The following ZNF292 variants were observed in gnomAD, a reference collection of about 807,000 sequenced individuals.
ZNF292 encodes 16 zinc-finger domain protein.
Under a neutral mutation model 217.9 loss-of-function variants are expected in ZNF292, and 26 were observed. That is an observed-to-expected ratio of 0.12 (90% CI 0.09 to 0.17). The LOEUF is 0.17. Among genes scored for constraint, ZNF292 ranks in the 10% least tolerant of loss-of-function variants. The probability of loss-of-function intolerance (pLI) is 1.00; values close to 1 mark genes in which losing one functional copy is unlikely to be tolerated. For synonymous variants in ZNF292, 1,257 were observed against 1,124.1 expected, an observed-to-expected ratio of 1.12 and a Z score of -2.37; for missense variants, 2,904 against 3,175.2, an observed-to-expected ratio of 0.91 and a Z score of 2.05.
intron 4 of ZNF292, among the ~76,000 whole-genome samples, chr6:87,220,584 A>G (rs1284580985): frequency 6.6e-6 from 1 of 152,176 alleles, no homozygotes; most frequent in Non-Finnish European, 1.5e-5. Context: ...TCCTTTTCCC[A>G]TTGTCAGTTT....
In ZNF292 at chr6:87,209,104, A is replaced by ACCCC. The variant is rs5878022; in HGVS notation, c.169-6794_169-6791dup. 1.3e-3 allele frequency among the ~76,000 whole-genome samples: 182 copies of ACCCC among 137,302 alleles called. 12 individuals carry two copies. The highest frequency in any genetic ancestry group is 3.0e-3 in the African/African-American group (100 of 33,538). 90.1% of individuals were successfully genotyped at this position (137,302 alleles called of 152,430 possible). A position where few individuals can be genotyped will look rare whatever the true frequency, so the allele number is the denominator to read the frequency against. On this transcript the variant is annotated intron_variant, in intron 1 of 7. Coordinates refer to ENST00000369577, the MANE Select transcript of ZNF292 (RefSeq NM_015021.3). ...TTATCTCATTTTTAGCCCCACTTTCACCCCCCCCTCCCCATTTTCAGAGGC... is the reference window on the plus strand; with the variant it reads ...TTATCTCATTTTTAGCCCCACTTTCACCCCCCCCCCCCTCCCCATTTTCAGAGGC...
chr6:87,258,611 G>A lies in ZNF292; in HGVS notation c.4982G>A (p.Ser1661Asn), dbSNP rs1775375880. Reference sequence around the variant, plus strand: ...ACAACAATGGGACTCATAGCAAAGAGTGTTGAAATCCCAACTACTAACCTT... The same window carrying A: ...ACAACAATGGGACTCATAGCAAAGAATGTTGAAATCCCAACTACTAACCTT... Reference protein sequence around the residue: ...DLTTMGLIAKSVEIPTTNLHS... With the variant: ...DLTTMGLIAKNVEIPTTNLHS... Residue 1661 changes from serine (S) to asparagine (N), a missense_variant, in exon 8 of 8, where the codon AGT (serine) becomes AAT (asparagine). Around this residue, in one of 15 missense-constraint regions of ZNF292, gnomAD observed 622 missense variants for 573.1 expected, o/e 1.09. Transcript: ENST00000369577. The A allele has an allele frequency of 6.2e-7, 1 of 1,613,568 alleles. No individual in the cohort carries two copies. The highest frequency in any genetic ancestry group is 1.7e-5 in the Admixed American group (1 of 59,890).
At position 87,263,796 on chromosome 6, in the gene ZNF292, T is replaced by C. The variant is rs1362139500; in HGVS notation, c.*1995T>C. 2 of 152,136 alleles carry C rather than the reference T, an allele frequency of 1.3e-5. No homozygotes were observed. The highest frequency in any genetic ancestry group is 2.9e-5 in the Non-Finnish European group (2 of 67,984). The allele number at this position is 152,136 out of a possible 1,614,324, so 9.4% of individuals were successfully genotyped here. A position where few individuals can be genotyped will look rare whatever the true frequency, so the allele number is the denominator to read the frequency against. On this transcript the variant is annotated 3_prime_UTR_variant, in exon 8 of 8. Coordinates refer to ENST00000369577, the MANE Select transcript of ZNF292 (RefSeq NM_015021.3). ...TGTTTCCATACAGTTTTCTTAGAAA[T>C]TGACCTAGCTCTTAAAGGTGGGCAC... is the stretch of plus-strand genomic sequence containing the variant.
chr6:87,255,271 G>T lies in ZNF292; in HGVS notation c.1642G>T (p.Asp548Tyr). 1 of 1,613,850 alleles carries T rather than the reference G, an allele frequency of 6.2e-7. No homozygotes were observed. Among genetic ancestry groups the T allele is most frequent in the Non-Finnish European group, 8.5e-7 (1 of 1,179,824 alleles). Residue 548 changes from aspartate (D) to tyrosine (Y), a missense_variant, in exon 8 of 8, where the codon GAC becomes TAC. By Grantham distance (160) the Asp-to-Tyr change is radical. Coordinates refer to ENST00000369577, the MANE Select transcript of ZNF292 (RefSeq NM_015021.3). ...CTACATGCAGTATTGTGTGTTGTGT[G>T]ACAAAGAATTCCTTGGTCACAGAAT... is the stretch of plus-strand genomic sequence containing the variant. ...QAYMQYCVLC[D>Y]KEFLGHRIVR...
At chr6:87,219,411 A>G (rs1048056513) in intron 4 of ZNF292, among the ~76,000 whole-genome samples, 4 of 152,204 alleles carry the variant, frequency 2.6e-5, no homozygotes, top group Non-Finnish European at 5.9e-5. Flanking sequence ...AAATTGTAAT[A>G]TATCTAATGG....
intron 1 of ZNF292, among the ~76,000 whole-genome samples, chr6:87,195,201 TTAAAA>T (rs1771920311): frequency 6.6e-6 from 1 of 152,226 alleles, no homozygotes; most frequent in African/African-American, 2.4e-5. Flanking sequence ...GAAGAATAGA[TTAAAA>T]TAACTGTGCA....
rs1240693923 is a variant in ZNF292 at position 87,261,980 on chromosome 6, T to A, written c.*179T>A. ...GTCATGTAAAACTTTTTTTTATCCCTATGGGACTTGAGGAACAGAATCAGT... is the reference window on the plus strand; with the variant it reads ...GTCATGTAAAACTTTTTTTTATCCCAATGGGACTTGAGGAACAGAATCAGT... On this transcript the variant is annotated 3_prime_UTR_variant, in exon 8 of 8. Transcript: ENST00000369577. 2 of 442,374 alleles carry A rather than the reference T, an allele frequency of 4.5e-6. No individual in the cohort carries two copies. The highest frequency in any genetic ancestry group is 2.0e-5 in the African/African-American group (1 of 49,962). 27.4% of individuals were successfully genotyped at this position (442,374 alleles called of 1,614,324 possible). A position where few individuals can be genotyped will look rare whatever the true frequency, so the allele number is the denominator to read the frequency against.
At chr6:87,207,051 G>A (rs139227911) in intron 1 of ZNF292, among the ~76,000 whole-genome samples, 37 of 152,288 alleles carry the variant, frequency 2.4e-4, no homozygotes, top group African/African-American at 8.7e-4. Context: ...AATGGGTATC[G>A]CTAATAACAC....
chr6:87,218,080 C>T (rs1772879525), intron 3 of ZNF292, among the ~76,000 whole-genome samples: 1 of 152,072 alleles, frequency 6.6e-6, no homozygotes, highest in Non-Finnish European at 1.5e-5. Flanking sequence ...AACTAGCAGG[C>T]AAGGTTCATC....
At chr6:87,178,185 G>T (rs1189704276) in intron 1 of ZNF292, among the ~76,000 whole-genome samples, 1 of 150,200 alleles carries the variant, frequency 6.7e-6, no homozygotes, top group Non-Finnish European at 1.5e-5. Flanking sequence ...TTATTGAACT[G>T]TGTATGTTTT....
At chr6:87,187,576 A>G (rs895883499) in intron 1 of ZNF292, among the ~76,000 whole-genome samples, 6 of 151,842 alleles carry the variant, frequency 4.0e-5, no homozygotes, top group Admixed American at 2.0e-4. Flanking sequence ...AAATTAGCCA[A>G]GTATGGTGGT....
Position 87,260,491 on chromosome 6 carries a change from C to T in ZNF292, c.6862C>T (p.His2288Tyr), listed in dbSNP as rs750714482. The T allele has an allele frequency of 6.2e-6, 10 of 1,613,486 alleles. No homozygotes were observed. Among genetic ancestry groups the T allele is most frequent in the Non-Finnish European group, 8.5e-6 (10 of 1,179,670 alleles). ...FNKHNDKHKA[H>Y]LIRPRRLTPG... ...TAAGCATAATGACAAACATAAGGCTCATTTGATTCGTCCAAGAAGATTAAC... is the reference window on the plus strand; with the variant it reads ...TAAGCATAATGACAAACATAAGGCTTATTTGATTCGTCCAAGAAGATTAAC... Residue 2288 changes from histidine to tyrosine, a missense_variant, in exon 8 of 8, where the codon CAT becomes TAT. Physicochemically the swap from His to Tyr is moderately conservative, Grantham distance 83. This residue lies in a region of ZNF292 where 55 missense variants were observed against 99.8 expected (regional missense o/e 0.55). Transcript: ENST00000369577.
Position 87,215,895 on chromosome 6 carries a change from C to A in ZNF292, c.169-8C>A. The A allele has an allele frequency of 6.4e-7, 1 of 1,570,102 alleles. No individual in the cohort carries two copies. The highest frequency in any genetic ancestry group is 2.0e-5 in the Admixed American group (1 of 49,992). On this transcript the variant is annotated splice_region_variant and splice_polypyrimidine_tract_variant and intron_variant, in intron 1 of 7. Transcript: ENST00000369577. ...TTTGAATACTTTTTATTATTCCTTC[C>A]AAAACAGACACTCCTAGAATATGCA... is the stretch of plus-strand genomic sequence containing the variant.
At chr6:87,249,667 A>G (rs1774801289) in intron 7 of ZNF292, among the ~76,000 whole-genome samples, 1 of 152,162 alleles carries the variant, frequency 6.6e-6, no homozygotes, top group African/African-American at 2.4e-5. Flanking sequence ...CATTTTCCAT[A>G]TAGAGAGGTT....
At chr6:87,216,108 GACACACACACACAC>G (rs57115253) in intron 2 of ZNF292, 51 bp downstream of exon 2, 11,527 of 515,200 alleles carry the variant, frequency 0.022, 136 homozygotes, top group South Asian at 0.056. Context: ...AAAATACATA[GACACACACACACAC>G]ACACACACAC....
Position 87,261,937 on chromosome 6 carries a change from A to G in ZNF292, c.*136A>G. The G allele has an allele frequency of 1.6e-6, 1 of 631,732 alleles. No homozygotes were observed. Among genetic ancestry groups the G allele is most frequent in the Non-Finnish European group, 2.4e-6 (1 of 412,906 alleles). The allele number at this position is 631,732 out of a possible 1,614,324, so 39.1% of individuals were successfully genotyped here. On this transcript the variant is annotated 3_prime_UTR_variant, in exon 8 of 8. Coordinates refer to ENST00000369577, the MANE Select transcript of ZNF292 (RefSeq NM_015021.3). ...TAACCTGGCCAAAAACAAAAAAGAA[A>G]AAAAAAACATGACATTTGTCATGTA...
At chr6:87,179,023 T>C (rs1021675542) in intron 1 of ZNF292, among the ~76,000 whole-genome samples, 2 of 152,160 alleles carry the variant, frequency 1.3e-5, no homozygotes, top group African/African-American at 4.8e-5. Flanking sequence ...CTTTAAAGGT[T>C]GAATAATACA....
intron 1 of ZNF292, among the ~76,000 whole-genome samples, chr6:87,160,743 G>A (rs1449842863): frequency 6.6e-6 from 1 of 151,818 alleles, no homozygotes; most frequent in East Asian, 1.9e-4. Context: ...ACTGGGCATA[G>A]TACTTTCCCT....
intron 1 of ZNF292, among the ~76,000 whole-genome samples, chr6:87,168,338 G>A (rs1770982350): frequency 6.6e-6 from 1 of 152,138 alleles, no homozygotes; most frequent in South Asian, 2.1e-4. Flanking sequence ...GGAAGACTGA[G>A]GCATATGGTT....
Sources: allele counts gnomAD v4.1 joint callset (sites outside exome capture counted in the v4.1 genomes callset), GRCh38; gene constraint gnomAD v4.1.1; regional missense constraint gnomAD v4.1.1; transcripts MANE v1.5; gene names NCBI Gene and HGNC (gene_info 2026-07-23, HGNC 2026-07-21).